The following SLC4A1AP variants were observed in gnomAD, a reference collection of about 807,000 sequenced individuals.
The protein encoded by SLC4A1AP is kanadaptin.
A neutral mutation model predicts 89.7 loss-of-function variants in SLC4A1AP; 64 were observed. The ratio of observed to expected loss-of-function variants is 0.71; its 90% CI spans 0.58 to 0.88. The LOEUF (loss-of-function observed/expected upper bound fraction) is 0.88. Ranked by LOEUF, SLC4A1AP falls within the 40% of genes least tolerant of loss-of-function variation. The pLI is 0.00. For synonymous variants in SLC4A1AP, 366 were observed against 353.3 expected (o/e 1.04, Z -0.40); for missense variants, 931 against 965.0 (o/e 0.96, Z 0.47).
At chr2:27,669,412 T>A (rs755046692) in intron 5 of SLC4A1AP, 25 bp downstream of exon 5, 1 of 1,452,772 alleles carries the variant, frequency 6.9e-7, no homozygotes, top group Non-Finnish European at 9.1e-7. Context: ...GCCCTTTTTT[T>A]CTAGATTTAA....
chr2:27,685,055 C>G (rs1353195711), exon 10 of SLC4A1AP: 5 of 1,609,846 alleles, frequency 3.1e-6, no homozygotes, highest in Non-Finnish European at 4.2e-6. Context: ...CCCCAAGCGT[C>G]CAGAACTCCC....
chr2:27,682,405 C>T, intron 9 of SLC4A1AP, 46 bp downstream of exon 9: 1 of 1,188,236 alleles, frequency 8.4e-7, no homozygotes, highest in Non-Finnish European at 1.2e-6. Flanking sequence ...TTGAGTTATC[C>T]CTGAGCTAAT....
At chr2:27,670,796 G>GT (rs1675413363) in intron 5 of SLC4A1AP, among the ~76,000 whole-genome samples, 1 of 151,458 alleles carries the variant, frequency 6.6e-6, no homozygotes, top group African/African-American at 2.4e-5. Flanking sequence ...AGGAGGCAGA[G>GT]TTTTCATTGA....
intron 2 of SLC4A1AP, 41 bp downstream of exon 2, chr2:27,665,336 T>A: frequency 6.5e-7 from 1 of 1,528,198 alleles, no homozygotes; most frequent in Non-Finnish European, 8.9e-7. Context: ...ATATTTTAAG[T>A]TCATTACAAG....
intron 9 of SLC4A1AP, among the ~76,000 whole-genome samples, 165 bp from the exon 10 acceptor site, chr2:27,684,872 G>A (rs1414872271): frequency 6.6e-6 from 1 of 152,204 alleles, no homozygotes; most frequent in Non-Finnish European, 1.5e-5. Context: ...GGTCTATAGA[G>A]GGGTAAAATT....
At chr2:27,666,907 C>T (rs1169711136) in intron 2 of SLC4A1AP, among the ~76,000 whole-genome samples, 1 of 149,242 alleles carries the variant, frequency 6.7e-6, no homozygotes, top group Non-Finnish European at 1.5e-5. Context: ...CACTGTGTTG[C>T]TTGGGTTGGA....
chr2:27,677,876 A>G (rs1272434476), exon 8 of SLC4A1AP: 1 of 1,609,010 alleles, frequency 6.2e-7, no homozygotes, highest in African/African-American at 1.3e-5. Flanking sequence ...CAGAGACTTA[A>G]AGGGTTAATA....
chr2:27,675,738 T>A (rs768177912), intron 6 of SLC4A1AP, 46 bp downstream of exon 6: 2 of 1,287,098 alleles, frequency 1.6e-6, no homozygotes, highest in Non-Finnish European at 2.1e-6. Flanking sequence ...ATAGTTTAAT[T>A]TTTAATAACA....
Position 27,685,036 on chromosome 2 carries a change from G to A in SLC4A1AP, c.1876-1G>A, listed in dbSNP as rs1458297100. The A allele has an allele frequency of 1.9e-6, 3 of 1,592,540 alleles. No homozygotes were observed. The highest frequency in any genetic ancestry group is 2.6e-6 in the Non-Finnish European group (3 of 1,173,244). On this transcript the variant is annotated splice_acceptor_variant, in intron 9 of 13. Transcript: ENST00000613058. LOFTEE classifies it high-confidence loss of function. ...TGTTCATGGTTTTGTTTCCCTCTTA[G>A]AAGTTACCCCCCAAGCGTCCAGAAC...
chr2:27,688,867 C>T, intron 12 of SLC4A1AP, 100 bp downstream of exon 12: 1 of 800,556 alleles, frequency 1.2e-6, no homozygotes, highest in Non-Finnish European at 2.0e-6. Flanking sequence ...GAGTTCCCAG[C>T]AGCCTTATTC....
chr2:27,678,702 A>C (rs1393043948), intron 8 of SLC4A1AP, among the ~76,000 whole-genome samples: 2 of 151,854 alleles, frequency 1.3e-5, no homozygotes, highest in Non-Finnish European at 2.9e-5. Context: ...GAGAAATACA[A>C]ATACTACAAC....
In SLC4A1AP at chr2:27,677,380, A is replaced by T; in HGVS notation, c.1576+16A>T. 1 of 1,518,984 alleles carries T rather than the reference A, an allele frequency of 6.6e-7. No homozygotes were observed. The highest frequency in any genetic ancestry group is 1.7e-5 in the Admixed American group (1 of 59,754). The allele number at this position is 1,518,984 out of a possible 1,614,324, so 94.1% of individuals were successfully genotyped here. ...TCAAGCCAAGGTAAGTTTTTCATCA[A>T]ATATTTATTAATATACCACATATAG... On this transcript the variant is annotated intron_variant, in intron 7 of 13. Coordinates refer to ENST00000613058, the Ensembl canonical transcript of SLC4A1AP.
intron 5 of SLC4A1AP, among the ~76,000 whole-genome samples, chr2:27,675,203 C>T (rs1351487116): frequency 1.3e-5 from 2 of 152,160 alleles, no homozygotes; most frequent in East Asian, 3.8e-4. Flanking sequence ...TTTTATCATT[C>T]CATACTGAAA....
chr2:27,679,157 CTCTA>C (rs962636388), intron 8 of SLC4A1AP, among the ~76,000 whole-genome samples: 1 of 152,220 alleles, frequency 6.6e-6, no homozygotes, highest in African/African-American at 2.4e-5. Flanking sequence ...AATTGGCAGT[CTCTA>C]TCCTGATTAC....
At chr2:27,665,027 A>T in intron 1 of SLC4A1AP, 73 bp from the exon 2 acceptor site, 1 of 1,256,494 alleles carries the variant, frequency 8.0e-7, no homozygotes, top group Non-Finnish European at 1.1e-6. Flanking sequence ...ACTGCACTCC[A>T]GTCCAGCCTA....
intron 4 of SLC4A1AP, 112 bp downstream of exon 4, chr2:27,669,015 T>C: frequency 8.3e-7 from 1 of 1,198,430 alleles, no homozygotes; most frequent in Non-Finnish European, 1.2e-6. Flanking sequence ...TTAAGCTATT[T>C]CTAAATTTGA....
chr2:27,665,197 T>C, exon 2 of SLC4A1AP: 1 of 1,613,584 alleles, frequency 6.2e-7, no homozygotes, highest in East Asian at 2.2e-5. Flanking sequence ...AAGAAGATGC[T>C]AGGAGAAGAC....
intron 5 of SLC4A1AP, among the ~76,000 whole-genome samples, chr2:27,670,953 T>C (rs1435973882): frequency 1.4e-5 from 2 of 140,846 alleles, no homozygotes; most frequent in Non-Finnish European, 3.1e-5. Context: ...AGATGGAGTC[T>C]CACTCTGTCA....
At position 27,677,443 on chromosome 2, in the gene SLC4A1AP, A is replaced by T. The variant is rs1165332979; in HGVS notation, c.1576+79A>T. On this transcript the variant is annotated intron_variant, in intron 7 of 13. Coordinates refer to ENST00000613058, the Ensembl canonical transcript of SLC4A1AP. ...GGCACTGGGGCTACATTAGTTAATA[A>T]GAAATACCATACAGAATATGGAGCC... 5 of 948,996 alleles carry T rather than the reference A, an allele frequency of 5.3e-6. No individual in the cohort carries two copies. The African/African-American group carries it at 8.3e-5, about 16-fold the overall frequency. The allele number at this position is 948,996 out of a possible 1,614,324, so 58.8% of individuals were successfully genotyped here.
Sources: allele counts gnomAD v4.1 joint callset (sites outside exome capture counted in the v4.1 genomes callset), GRCh38; gene constraint gnomAD v4.1.1; transcripts MANE v1.5; gene names NCBI Gene and HGNC (gene_info 2026-07-23, HGNC 2026-07-21).